Variants in SLC28A3 observed in about 807,000 individuals in gnomAD.
SLC28A3 encodes concentrative Na(+)-nucleoside cotransporter 3.
Under a neutral mutation model 84.2 loss-of-function variants are expected in SLC28A3, and 68 were observed. The ratio of observed to expected loss-of-function variants is 0.81; its 90% CI spans 0.66 to 0.99. The LOEUF (loss-of-function observed/expected upper bound fraction) is 0.99. SLC28A3 is among the 50% of genes least tolerant of loss of function. SLC28A3 has a pLI of 0.00. For synonymous variants in SLC28A3, 267 were observed against 303.6 expected, an observed-to-expected ratio of 0.88 and a Z score of 1.25; for missense variants, 712 against 841.5, an observed-to-expected ratio of 0.85 and a Z score of 1.90.
At chr9:84,307,437 A>ACAAAAAAC (rs1554726621) in intron 3 of SLC28A3, among the ~76,000 whole-genome samples, 1 of 111,008 alleles carries the variant, frequency 9.0e-6, no homozygotes, top group African/African-American at 3.3e-5. Flanking sequence ...TCTCAAAAAA[A>ACAAAAAAC]AAAAAAAACA....
At position 84,286,048 on chromosome 9, in the gene SLC28A3, G is replaced by C; in HGVS notation, c.1344C>G (p.Ala448=). 1 of 1,614,088 alleles carries C rather than the reference G, an allele frequency of 6.2e-7. No homozygotes were observed. The highest frequency in any genetic ancestry group is 8.5e-7 in the Non-Finnish European group (1 of 1,179,980). The change falls in exon 13 of 18, where the codon GCC becomes GCG. Residue 448 remains alanine (A), a synonymous_variant. Coordinates refer to ENST00000376238, the MANE Select transcript of SLC28A3 (RefSeq NM_001199633.2). ...QGASSSISLV[A]NIAVNLIAFL... Reference sequence around the variant, plus strand: ...AGGCAATCAGATTCACAGCGATGTTGGCCACCAGGGAGATGGAGGAGGATG... The same window carrying C: ...AGGCAATCAGATTCACAGCGATGTTCGCCACCAGGGAGATGGAGGAGGATG...
intron 14 of SLC28A3, among the ~76,000 whole-genome samples, chr9:84,284,315 C>T (rs948177160): frequency 1.3e-5 from 2 of 152,220 alleles, no homozygotes; most frequent in African/African-American, 2.4e-5. Flanking sequence ...CTACAGAGTC[C>T]CTGCTCATGT....
chr9:84,290,195 T>C lies in SLC28A3; in HGVS notation c.1108A>G (p.Thr370Ala). The change falls in exon 11 of 18, where the codon ACC (threonine) becomes GCC (alanine). Residue 370 changes from threonine (T) to alanine (A), a missense_variant. Physicochemically the swap from Thr to Ala is moderately conservative, Grantham distance 58. Transcript: ENST00000376238. ...GCACCTAGCACGCTTCCAGCAATGG[T>C]AGAGAACCCGGCGGTCATGATGGCG... ...LHAIMTAGFS[T>A]IAGSVLGAYI... 2 of 1,614,136 alleles carry C rather than the reference T, an allele frequency of 1.2e-6. No individual in the cohort carries two copies. The highest frequency in any genetic ancestry group is 1.7e-6 in the Non-Finnish European group (2 of 1,179,998).
intron 5 of SLC28A3, among the ~76,000 whole-genome samples, chr9:84,301,505 A>T (rs1211599438): frequency 1.3e-5 from 2 of 152,158 alleles, no homozygotes; most frequent in African/African-American, 4.8e-5. Context: ...GAAAAAAATT[A>T]AGTTTTATTT....
At chr9:84,344,687 T>C (rs1314315078), upstream of SLC28A3, among the ~76,000 whole-genome samples, 2 of 150,846 alleles carry the variant, frequency 1.3e-5, no homozygotes, top group African/African-American at 2.5e-5. Context: ...GTTTCCACAA[T>C]CTTTATCTTA....
chr9:84,291,623 A>C (rs1213299432), intron 10 of SLC28A3, among the ~76,000 whole-genome samples: 1 of 152,238 alleles, frequency 6.6e-6, no homozygotes. Flanking sequence ...GGCGTGAGCC[A>C]CTGCGCCCAG....
intron 1 of SLC28A3, among the ~76,000 whole-genome samples, chr9:84,320,048 T>TTTG (rs1337134922): frequency 3.9e-5 from 5 of 129,784 alleles, no homozygotes; most frequent in African/African-American, 1.6e-4. Context: ...CTGTTTTTTT[T>TTTG]TTTTTTTTTT....
chr9:84,308,102 T>A (rs924618822), intron 3 of SLC28A3, among the ~76,000 whole-genome samples: 3 of 152,276 alleles, frequency 2.0e-5, no homozygotes, highest in Admixed American at 2.0e-4. Flanking sequence ...CTGATACATA[T>A]AACAAAGTTC....
chr9:84,319,781 C>G (rs12340619), intron 1 of SLC28A3, among the ~76,000 whole-genome samples: 12,612 of 152,040 alleles, frequency 0.083, 1,688 homozygotes, highest in African/African-American at 0.28. Flanking sequence ...GGAAGGAGAC[C>G]AGAGAAGTCT....
chr9:84,348,957 G>C, the SLC28A3 span, among the ~76,000 whole-genome samples: 1 of 151,594 alleles, frequency 6.6e-6, no homozygotes. Context: ...GCCCAGGCTG[G>C]AGTACAGTGG....
At position 84,312,867 on chromosome 9, in the gene SLC28A3, A is replaced by T. The variant is rs1826037094; in HGVS notation, c.156+492T>A. Among the ~76,000 whole-genome samples, 5 of 149,076 alleles carry T rather than the reference A, an allele frequency of 3.4e-5. 1 individual carries two copies. In the South Asian group the frequency reaches 1.1e-3, roughly 31 times the overall value. On this transcript the variant is annotated intron_variant, in intron 2 of 17. Transcript: ENST00000376238. ...AATTACCTTTTAAGGGGTGACCTAC[A>T]TGGGTAATTTGTTCACCTTTTTGGC...
chr9:84,300,626 C>T lies in SLC28A3; in HGVS notation c.525-901G>A, dbSNP rs144419201. On this transcript the variant is annotated intron_variant, in intron 5 of 17. Transcript: ENST00000376238. Reference sequence around the variant, plus strand: ...GTGTGAATTTTCCTGGTAGATCCCACGTTAGTCTTGAGGGAGAGAACTGGT... The same window carrying T: ...GTGTGAATTTTCCTGGTAGATCCCATGTTAGTCTTGAGGGAGAGAACTGGT... 2.8e-3 allele frequency among the ~76,000 whole-genome samples: 428 copies of T among 152,284 alleles called. 1 individual carries two copies. The highest frequency in any genetic ancestry group is 4.3e-3 in the Non-Finnish European group (292 of 68,034).
chr9:84,323,665 C>T (rs563716416), intron 1 of SLC28A3, among the ~76,000 whole-genome samples: 3 of 151,820 alleles, frequency 2.0e-5, no homozygotes, highest in Admixed American at 6.6e-5. Flanking sequence ...CCTCGTGATC[C>T]GACCCCCTCA....
the SLC28A3 span, among the ~76,000 whole-genome samples, chr9:84,365,548 TG>T: frequency 6.6e-6 from 1 of 152,196 alleles, no homozygotes; most frequent in African/African-American, 2.4e-5. Context: ...CCTGTGCTTG[TG>T]GGGTATTTCT....
intron 11 of SLC28A3, among the ~76,000 whole-genome samples, chr9:84,289,445 CT>C (rs889973157): frequency 6.6e-6 from 1 of 152,196 alleles, no homozygotes; most frequent in African/African-American, 2.4e-5. Flanking sequence ...ATTCTCTAGC[CT>C]TATACTACAG....
intron 1 of SLC28A3, among the ~76,000 whole-genome samples, chr9:84,337,056 G>A (rs1392968478): frequency 1.3e-5 from 2 of 152,170 alleles, no homozygotes; most frequent in African/African-American, 4.8e-5. Flanking sequence ...ACTTTGGAAG[G>A]CCAAAGCAGG....
chr9:84,359,257 T>C, the SLC28A3 span, among the ~76,000 whole-genome samples: 2 of 152,222 alleles, frequency 1.3e-5, no homozygotes, highest in African/African-American at 2.4e-5. Context: ...TTAGGGCAAC[T>C]GTACCTGACA....
chr9:84,366,092 G>T, the SLC28A3 span, among the ~76,000 whole-genome samples: 3 of 151,966 alleles, frequency 2.0e-5, no homozygotes, highest in African/African-American at 7.2e-5. Context: ...ATTCGGGGTG[G>T]TATGGCTGTA....
In SLC28A3 at chr9:84,279,969, C is replaced by T. The variant is rs772764600; in HGVS notation, c.1828+6G>A. 6.1e-5 allele frequency: 99 copies of T among 1,612,800 alleles called. No homozygotes were observed. The highest frequency in any genetic ancestry group is 1.6e-4 in the Middle Eastern group (1 of 6,084). On this transcript the variant is annotated splice_donor_region_variant and intron_variant, in intron 16 of 17. Transcript: ENST00000376238. Reference sequence around the variant, plus strand: ...GCACTGGGACACAAAGGACAGGGTGCGGTACCTGCGATGCAGGCTGTCATG... The same window carrying T: ...GCACTGGGACACAAAGGACAGGGTGTGGTACCTGCGATGCAGGCTGTCATG...
Sources: allele counts gnomAD v4.1 joint callset (sites outside exome capture counted in the v4.1 genomes callset), GRCh38; gene constraint gnomAD v4.1.1; transcripts MANE v1.5; gene names NCBI Gene and HGNC (gene_info 2026-07-23, HGNC 2026-07-21).